The following HPCAL1 variants were observed in gnomAD, a reference collection of about 807,000 sequenced individuals.
HPCAL1 encodes the protein hippocalcin-like protein 1.
A neutral mutation model predicts 17.1 loss-of-function variants in HPCAL1; 8 were observed. The ratio of observed to expected loss-of-function variants is 0.47; its 90% CI spans 0.27 to 0.84. The LOEUF is 0.84. Among genes scored for constraint, HPCAL1 ranks in the 40% least tolerant of loss-of-function variants. HPCAL1 has a pLI of 0.13. For synonymous variants in HPCAL1, 112 were observed against 111.4 expected (o/e 1.01, Z -0.03); for missense variants, 165 against 271.1 (o/e 0.61, Z 2.75).
In HPCAL1 at chr2:10,330,572, C is replaced by A. The variant is rs1172683950; in HGVS notation, c.-111+27395C>A. Among the ~76,000 whole-genome samples the A allele has an allele frequency of 6.6e-6, 1 of 152,124 alleles. No homozygotes were observed. Among genetic ancestry groups the A allele is most frequent in the Admixed American group, 6.5e-5 (1 of 15,270 alleles). On this transcript the variant is annotated intron_variant, in intron 1 of 4. Transcript: ENST00000307845. This position sits in a 1 kb window ranked among gnomAD's most constrained non-coding sequence, Gnocchi z 4.2. ...CCTCTCTCCTCGGCTCCGTGTAGCC[C>A]TTTCTCCCTCTGTTCTCACACGGCC...
rs1666784141 is a variant in HPCAL1 at position 10,365,350 on chromosome 2, C to T, written c.-110-31485C>T. Among the ~76,000 whole-genome samples, 2 of 152,194 alleles carry T rather than the reference C, an allele frequency of 1.3e-5. No homozygotes were observed. The highest frequency in any genetic ancestry group is 4.8e-5 in the African/African-American group (2 of 41,458). Reference sequence around the variant, plus strand: ...GGTAATTGCAAGAGCGTGAGCCCCTCCTCTGGGGCATGTTCTTGGAAATAA... The same window carrying T: ...GGTAATTGCAAGAGCGTGAGCCCCTTCTCTGGGGCATGTTCTTGGAAATAA... On this transcript the variant is annotated intron_variant, in intron 1 of 4. Transcript: ENST00000307845. The surrounding 1 kb of genome is among the most constrained non-coding windows in gnomAD (Gnocchi z 4.8).
rs1353411306 is a variant in HPCAL1, at chr2:10,396,911, C to G, written c.-34C>G. ...TGACCCACTCCCTCTCAGCCTCCGCCTGGTCTCTGGTAAGTCACTCCCAGA... is the reference window on the plus strand; with the variant it reads ...TGACCCACTCCCTCTCAGCCTCCGCGTGGTCTCTGGTAAGTCACTCCCAGA... On this transcript the variant is annotated 5_prime_UTR_variant, in exon 2 of 5. Coordinates refer to ENST00000307845, the MANE Select transcript of HPCAL1 (RefSeq NM_002149.4). The G allele has an allele frequency of 6.6e-6, 1 of 152,340 alleles. No individual in the cohort carries two copies. The highest frequency in any genetic ancestry group is 1.9e-4 in the East Asian group (1 of 5,196). The allele number at this position is 152,340 out of a possible 1,614,324, so 9.4% of individuals were successfully genotyped here.
At chr2:10,340,070 T>C (rs918567247) in intron 1 of HPCAL1, among the ~76,000 whole-genome samples, 9 of 152,210 alleles carry the variant, frequency 5.9e-5, no homozygotes, top group African/African-American at 2.2e-4. Context: ...TTGCTTCTCA[T>C]AGTATGAGCC....
At chr2:10,401,714 C>A (rs1669624976) in intron 2 of HPCAL1, among the ~76,000 whole-genome samples, 1 of 152,114 alleles carries the variant, frequency 6.6e-6, no homozygotes, top group Non-Finnish European at 1.5e-5. Flanking sequence ...GGGATTATTC[C>A]TAGCCACACC....
chr2:10,377,446 G>T lies in HPCAL1; in HGVS notation c.-110-19389G>T, dbSNP rs570526289. Among the ~76,000 whole-genome samples, 1 of 152,158 alleles carries T rather than the reference G, an allele frequency of 6.6e-6. No individual in the cohort carries two copies. The highest frequency in any genetic ancestry group is 1.5e-5 in the Non-Finnish European group (1 of 68,014). Reference sequence around the variant, plus strand: ...CCAGTACAGTCAACAACTCTCACTCGCCGCGGGCACCTGCTGTGCCCACCT... The same window carrying T: ...CCAGTACAGTCAACAACTCTCACTCTCCGCGGGCACCTGCTGTGCCCACCT... On this transcript the variant is annotated intron_variant, in intron 1 of 4. Transcript: ENST00000307845. This position sits in a 1 kb window ranked among gnomAD's most constrained non-coding sequence, Gnocchi z 5.9.
At chr2:10,316,946 C>T (rs528165527) in intron 1 of HPCAL1, among the ~76,000 whole-genome samples, 4 of 152,228 alleles carry the variant, frequency 2.6e-5, no homozygotes, top group East Asian at 3.9e-4. Context: ...AAAAAAAATT[C>T]GTATGGCTTC....
chr2:10,320,484 C>T (rs539528175), intron 1 of HPCAL1, among the ~76,000 whole-genome samples: 63 of 152,280 alleles, frequency 4.1e-4, no homozygotes, highest in African/African-American at 1.2e-3. Context: ...TCCCTTCTGA[C>T]GTGATTGTAG....
intron 1 of HPCAL1, among the ~76,000 whole-genome samples, chr2:10,381,592 C>T (rs1247162685): frequency 1.3e-5 from 2 of 149,764 alleles, no homozygotes; most frequent in Non-Finnish European, 3.0e-5. Context: ...TGCTCTGCGC[C>T]GCCAGAGCAT....
chr2:10,341,459 C>T (rs1412917364), intron 1 of HPCAL1, among the ~76,000 whole-genome samples: 1 of 151,412 alleles, frequency 6.6e-6, no homozygotes, highest in African/African-American at 2.4e-5. Flanking sequence ...TTAAAAGCAA[C>T]AACAACAACA....
chr2:10,380,991 C>G (rs1269407424), intron 1 of HPCAL1, among the ~76,000 whole-genome samples: 1 of 152,184 alleles, frequency 6.6e-6, no homozygotes, highest in African/African-American at 2.4e-5. Flanking sequence ...ACCAGCCCAC[C>G]ACCCTGATAA....
rs1412670824 is a variant in HPCAL1 at position 10,312,317 on chromosome 2, CATCAT to C, written c.-111+9146_-111+9150del. Among the ~76,000 whole-genome samples the C allele has an allele frequency of 2.1e-4, 3 of 13,994 alleles. No homozygotes were observed. The African/African-American group carries it at 2.8e-3, about 13-fold the overall frequency. The allele number at this position is 13,994 out of a possible 152,430, so 9.2% of individuals were successfully genotyped here. A position where few individuals can be genotyped will look rare whatever the true frequency, so the allele number is the denominator to read the frequency against. On this transcript the variant is annotated intron_variant, in intron 1 of 4. Transcript: ENST00000307845. Reference sequence around the variant, plus strand: ...CTTTCTCCATCACCATCATCATCATCATCATATCATCATCATCATCATCATATCAT... The same window carrying C: ...CTTTCTCCATCACCATCATCATCATCATCATCATCATCATCATCATATCAT...
At chr2:10,335,299 C>T (rs866221553) in intron 1 of HPCAL1, among the ~76,000 whole-genome samples, 5 of 152,318 alleles carry the variant, frequency 3.3e-5, no homozygotes, top group Middle Eastern at 3.4e-3. Context: ...CTTGGATTGC[C>T]AGCCCTGGAG....
At chr2:10,303,484 G>C (rs1010871265) in intron 1 of HPCAL1, among the ~76,000 whole-genome samples, 1 of 152,140 alleles carries the variant, frequency 6.6e-6, no homozygotes, top group Non-Finnish European at 1.5e-5. Flanking sequence ...TGCCTGGCGG[G>C]TGTCGTGTGT....
intron 1 of HPCAL1, among the ~76,000 whole-genome samples, chr2:10,355,913 G>A (rs1028093600): frequency 3.9e-5 from 6 of 152,122 alleles, no homozygotes; most frequent in South Asian, 2.1e-4. Context: ...AGCCCCTGCC[G>A]GAGGACATGT....
rs529940072 is a variant in HPCAL1, at chr2:10,330,570, C to T, written c.-111+27393C>T. On this transcript the variant is annotated intron_variant, in intron 1 of 4. Coordinates refer to ENST00000307845, the MANE Select transcript of HPCAL1 (RefSeq NM_002149.4). The surrounding 1 kb of genome is among the most constrained non-coding windows in gnomAD (Gnocchi z 4.2). ...GGCCTCTCTCCTCGGCTCCGTGTAG[C>T]CCTTTCTCCCTCTGTTCTCACACGG... is the stretch of plus-strand genomic sequence containing the variant. Among the ~76,000 whole-genome samples, 1 of 152,230 alleles carries T rather than the reference C, an allele frequency of 6.6e-6. No individual in the cohort carries two copies. The highest frequency in any genetic ancestry group is 2.4e-5 in the African/African-American group (1 of 41,540).
chr2:10,404,861 T>C (rs3771136), intron 2 of HPCAL1, among the ~76,000 whole-genome samples: 105,509 of 152,094 alleles, frequency 0.69, 38,290 homozygotes, highest in African/African-American at 0.92. Flanking sequence ...TGCCGCTGCT[T>C]GGGTGTGCCG....
rs968767002 is a variant in HPCAL1 at position 10,344,969 on chromosome 2, C to G, written c.-111+41792C>G. On this transcript the variant is annotated intron_variant, in intron 1 of 4. Transcript: ENST00000307845. The surrounding 1 kb of genome is among the most constrained non-coding windows in gnomAD (Gnocchi z 4.9). ...TCTGCCTCTCTCTATGTGTCCATCT[C>G]TCTCTCTTTTTCTGTGTGTCTCTCT... Among the ~76,000 whole-genome samples the G allele has an allele frequency of 6.6e-6, 1 of 151,558 alleles. No individual in the cohort carries two copies. Among genetic ancestry groups the G allele is most frequent in the Non-Finnish European group, 1.5e-5 (1 of 67,910 alleles).
At chr2:10,393,407 G>C (rs1006352133) in intron 1 of HPCAL1, among the ~76,000 whole-genome samples, 1 of 152,220 alleles carries the variant, frequency 6.6e-6, no homozygotes, top group Non-Finnish European at 1.5e-5. Flanking sequence ...TGTCAGAGCT[G>C]GCTGGGCCTC....
At chr2:10,398,591 A>C (rs933525178) in intron 2 of HPCAL1, among the ~76,000 whole-genome samples, 1 of 152,002 alleles carries the variant, frequency 6.6e-6, no homozygotes, top group Non-Finnish European at 1.5e-5. Context: ...CCCAGGGCAG[A>C]CCCCGGGCGT....
Sources: allele counts gnomAD v4.1 joint callset (sites outside exome capture counted in the v4.1 genomes callset), GRCh38; gene constraint gnomAD v4.1.1; non-coding constraint Gnocchi (gnomAD v3.1); transcripts MANE v1.5; gene names NCBI Gene and HGNC (gene_info 2026-07-23, HGNC 2026-07-21).